Variants in CEP126 observed in about 807,000 individuals in gnomAD.
The protein encoded by CEP126 is centrosomal protein of 126 kDa.
A neutral mutation model predicts 107.8 loss-of-function variants in CEP126; 74 were observed. The ratio of observed to expected loss-of-function variants is 0.69; its 90% CI spans 0.57 to 0.83. The LOEUF (loss-of-function observed/expected upper bound fraction) is 0.83, where lower values mean the gene tolerates loss of function less well. Among genes scored for constraint, CEP126 ranks in the 40% least tolerant of loss-of-function variants. CEP126 has a pLI of 0.00. For synonymous variants in CEP126, 449 were observed against 446.0 expected (o/e 1.01, Z -0.08); for missense variants, 1,237 against 1,281.9 (o/e 0.96, Z 0.53).
chr11:101,953,412 T>C (rs1940839415), intron 4 of CEP126, among the ~76,000 whole-genome samples: 1 of 152,144 alleles, frequency 6.6e-6, no homozygotes, highest in African/African-American at 2.4e-5. Flanking sequence ...GTTAACCCTT[T>C]ACTCACACAC....
At chr11:101,924,826 T>A (rs1334634367) in intron 2 of CEP126, among the ~76,000 whole-genome samples, 1 of 152,142 alleles carries the variant, frequency 6.6e-6, no homozygotes, top group Non-Finnish European at 1.5e-5. Flanking sequence ...TACATTGACA[T>A]TGTCAGTGTT....
intron 8 of CEP126, among the ~76,000 whole-genome samples, chr11:101,984,251 A>C (rs971739144): frequency 2.6e-5 from 4 of 152,174 alleles, no homozygotes; most frequent in Admixed American, 1.3e-4. Flanking sequence ...TGCTGTTGCA[A>C]ACACTTGGAA....
chr11:101,938,851 A>AT (rs1428752607), intron 2 of CEP126, among the ~76,000 whole-genome samples: 2 of 151,362 alleles, frequency 1.3e-5, no homozygotes, highest in South Asian at 2.1e-4. Context: ...CTATGTTTTC[A>AT]TTTTTTCTCT....
chr11:101,919,273 A>T (rs1472819239), intron 1 of CEP126, among the ~76,000 whole-genome samples: 1 of 152,178 alleles, frequency 6.6e-6, no homozygotes, highest in Non-Finnish European at 1.5e-5. Context: ...GCTTTAATAG[A>T]TTTGGGGAAA....
intron 3 of CEP126, among the ~76,000 whole-genome samples, chr11:101,945,144 A>AGT (rs1377568502): frequency 6.6e-6 from 1 of 152,186 alleles, no homozygotes; most frequent in East Asian, 1.9e-4. Flanking sequence ...ATGGTAGCAG[A>AGT]GTGTGTAAAG....
chr11:101,975,251 C>T (rs746738478), intron 6 of CEP126, among the ~76,000 whole-genome samples: 65 of 151,938 alleles, frequency 4.3e-4, no homozygotes, highest in Admixed American at 2.6e-3. Flanking sequence ...GTGAAATCAA[C>T]GACTGGTAAC....
intron 1 of CEP126, among the ~76,000 whole-genome samples, chr11:101,920,918 T>C (rs919303559): frequency 6.6e-6 from 1 of 152,212 alleles, no homozygotes; most frequent in Non-Finnish European, 1.5e-5. Flanking sequence ...ATGAACTTCT[T>C]TTAATTCAAA....
At chr11:101,965,951 T>C (rs993526754) in intron 6 of CEP126, among the ~76,000 whole-genome samples, 16 of 152,182 alleles carry the variant, frequency 1.1e-4, no homozygotes, top group Admixed American at 5.9e-4. Context: ...TTAGGAAAAA[T>C]ATTAGGAAAC....
Position 101,963,542 on chromosome 11 carries a change from A to G in CEP126, c.2507A>G (p.Asn836Ser), listed in dbSNP as rs1178906294. ...AATCCTCAAAACATTATTACACATAACTCTTTTAATTCAAAACATGTGCTT... is the reference window on the plus strand; with the variant it reads ...AATCCTCAAAACATTATTACACATAGCTCTTTTAATTCAAAACATGTGCTT... Reference protein sequence around the residue: ...PENPQNIITHNSFNSKHVLPT... With the variant: ...PENPQNIITHSSFNSKHVLPT... Residue 836 changes from asparagine to serine, a missense_variant, in exon 6 of 11, where the codon AAC becomes AGC. Transcript: ENST00000263468. 4 of 1,614,054 alleles carry G rather than the reference A, an allele frequency of 2.5e-6. No individual in the cohort carries two copies. The highest frequency in any genetic ancestry group is 1.3e-5 in the African/African-American group (1 of 75,014).
In CEP126 at chr11:101,963,335, C is replaced by G; in HGVS notation, c.2300C>G (p.Ser767Ter). 6.2e-7 allele frequency: 1 copy of G among 1,613,934 alleles called. No homozygotes were observed. ...IRKPGSAKVQ[S>*]GFICTNRKGA... is the part of the protein sequence containing the mutation. ...AAACCAGGATCTGCAAAAGTCCAATCAGGCTTTATATGTACAAACAGAAAA... is the reference window on the plus strand; with the variant it reads ...AAACCAGGATCTGCAAAAGTCCAATGAGGCTTTATATGTACAAACAGAAAA... Residue 767 changes from serine (S) to a stop codon, truncating the protein, a stop_gained, in exon 6 of 11, where the codon TCA (serine) becomes TGA (stop). Transcript: ENST00000263468. LOFTEE classifies it high-confidence loss of function.
At chr11:101,973,433 G>A (rs903133788) in intron 6 of CEP126, among the ~76,000 whole-genome samples, 27 of 152,074 alleles carry the variant, frequency 1.8e-4, no homozygotes, top group African/African-American at 6.0e-4. Flanking sequence ...ATCAAACACC[G>A]CATGTTCTCA....
chr11:101,993,344 G>A (rs549566330), intron 10 of CEP126, among the ~76,000 whole-genome samples: 1 of 152,284 alleles, frequency 6.6e-6, no homozygotes, highest in Non-Finnish European at 1.5e-5. Context: ...GTTTACTTAG[G>A]ATTGTGGCCT....
At chr11:101,918,119 A>C (rs946827792) in intron 1 of CEP126, among the ~76,000 whole-genome samples, 4 of 151,966 alleles carry the variant, frequency 2.6e-5, no homozygotes, top group South Asian at 2.1e-4. Flanking sequence ...CCCCAGGCTC[A>C]CTGATGGGAT....
chr11:101,996,382 C>T (rs957186604), intron 10 of CEP126, among the ~76,000 whole-genome samples: 4 of 152,140 alleles, frequency 2.6e-5, no homozygotes, highest in Non-Finnish European at 5.9e-5. Context: ...CTGACTGGCA[C>T]GCCACAGTAG....
Position 101,986,873 on chromosome 11 carries a change from G to C in CEP126, c.3076G>C (p.Val1026Leu). The C allele has an allele frequency of 6.2e-7, 1 of 1,613,830 alleles. No homozygotes were observed. The highest frequency in any genetic ancestry group is 8.5e-7 in the Non-Finnish European group (1 of 1,179,858). ...TGAGTTTTTGATGGCTGAAAACTTA[G>C]TGAAAGCATCAGTGCCGGAGGATGA... ...TSEFLMAENL[V>L]KASVPEDEIL... Residue 1026 changes from valine (V) to leucine (L), a missense_variant, in exon 9 of 11, where the codon GTG (valine) becomes CTG (leucine). Physicochemically the swap from Val to Leu is conservative, Grantham distance 32. This residue lies in a region of CEP126 where 99 missense variants were observed against 114.4 expected (regional missense o/e 0.87). Coordinates refer to ENST00000263468, the MANE Select transcript of CEP126 (RefSeq NM_020802.4).
At chr11:101,997,074 G>A (rs1433080713) in intron 10 of CEP126, among the ~76,000 whole-genome samples, 3 of 152,144 alleles carry the variant, frequency 2.0e-5, no homozygotes, top group East Asian at 1.9e-4. Flanking sequence ...GTCTTGCTCT[G>A]TCACCCAGGC....
At chr11:101,919,779 A>T (rs1223167534) in intron 1 of CEP126, among the ~76,000 whole-genome samples, 1 of 152,170 alleles carries the variant, frequency 6.6e-6, no homozygotes, top group East Asian at 1.9e-4. Context: ...TCGTGATGAG[A>T]CTTCAAACAT....
intron 7 of CEP126, among the ~76,000 whole-genome samples, chr11:101,981,356 C>T (rs1468198097): frequency 6.6e-6 from 1 of 152,080 alleles, no homozygotes; most frequent in African/African-American, 2.4e-5. Flanking sequence ...TGCAGTGGCA[C>T]AGTCTCAGCT....
At chr11:101,983,238 A>G (rs1004536863) in intron 8 of CEP126, among the ~76,000 whole-genome samples, 11 of 152,240 alleles carry the variant, frequency 7.2e-5, no homozygotes, top group Non-Finnish European at 1.6e-4. Context: ...AGAAAGTCAA[A>G]CTTGGAGAAA....
Sources: gnomAD v4.1 joint callset for allele counts (sites outside exome capture counted in the v4.1 genomes callset) on GRCh38, gnomAD v4.1.1 for gene constraint, gnomAD v4.1.1 regional missense constraint, MANE v1.5 for transcripts, NCBI Gene and HGNC (gene_info 2026-07-23, HGNC 2026-07-21) for gene names.